Variants in ERI3 observed in about 807,000 individuals in gnomAD.
The protein encoded by ERI3 is ERI1 exoribonuclease family member 3, also known as ERI1 exoribonuclease 3.
In ERI3, 18 loss-of-function variants were observed where a neutral mutation model predicts 44.4. That is an observed-to-expected ratio of 0.41 (90% CI 0.28 to 0.60). ERI3 has a LOEUF of 0.60. ERI3 is among the 20% of genes least tolerant of loss of function. The pLI is 0.36. For synonymous variants in ERI3, 183 were observed against 164.8 expected, an observed-to-expected ratio of 1.11 and a Z score of -0.84; for missense variants, 294 against 435.5, an observed-to-expected ratio of 0.68 and a Z score of 2.89.
chr1:44,269,291 G>C (rs1044139182), intron 7 of ERI3, among the ~76,000 whole-genome samples: 13 of 152,098 alleles, frequency 8.5e-5, no homozygotes, highest in Admixed American at 3.9e-4. Context: ...ACTCAGAAAG[G>C]GCAAGTAACC....
At chr1:44,277,112 GAAAA>G (rs1314202816) in intron 7 of ERI3, among the ~76,000 whole-genome samples, 1 of 152,182 alleles carries the variant, frequency 6.6e-6, no homozygotes, top group Non-Finnish European at 1.5e-5. Flanking sequence ...GTTTCACACA[GAAAA>G]ATAAAAGCCA....
At chr1:44,321,262 G>C (rs558007560) in intron 3 of ERI3, among the ~76,000 whole-genome samples, 1 of 152,250 alleles carries the variant, frequency 6.6e-6, no homozygotes, top group Admixed American at 6.5e-5. Context: ...CAAAGATTGT[G>C]GTTGCCTTGT....
intron 7 of ERI3, among the ~76,000 whole-genome samples, chr1:44,261,087 A>G (rs1034861731): frequency 3.9e-5 from 6 of 152,046 alleles, no homozygotes; most frequent in African/African-American, 1.4e-4. Flanking sequence ...CTAGGTCCCC[A>G]CTCCCTCTGC....
chr1:44,264,271 G>C (rs1456976726), intron 7 of ERI3, among the ~76,000 whole-genome samples: 1 of 152,180 alleles, frequency 6.6e-6, no homozygotes, highest in African/African-American at 2.4e-5. Flanking sequence ...CAATAGTCCA[G>C]GTTACTGACA....
chr1:44,330,781 C>T (rs1646411835), intron 3 of ERI3, among the ~76,000 whole-genome samples: 1 of 152,054 alleles, frequency 6.6e-6, no homozygotes, highest in East Asian at 1.9e-4. Context: ...ATCGTGAACA[C>T]CCAGGATAAG....
At chr1:44,297,785 G>T (rs1356784745) in intron 6 of ERI3, among the ~76,000 whole-genome samples, 1 of 152,202 alleles carries the variant, frequency 6.6e-6, no homozygotes, top group Non-Finnish European at 1.5e-5. Context: ...CAAAACAGAG[G>T]TCACTCACCT....
chr1:44,295,328 C>T (rs1473643245), intron 6 of ERI3, among the ~76,000 whole-genome samples: 1 of 152,228 alleles, frequency 6.6e-6, no homozygotes, highest in East Asian at 1.9e-4. Context: ...CATCTCTCTA[C>T]AGTGCTCCTC....
At chr1:44,282,713 C>T (rs1478264827) in intron 7 of ERI3, among the ~76,000 whole-genome samples, 1 of 152,162 alleles carries the variant, frequency 6.6e-6, no homozygotes, top group African/African-American at 2.4e-5. Flanking sequence ...TACAAAGTGG[C>T]TGGAGTGCAG....
rs771554922 is a variant in ERI3, at chr1:44,355,052, C to A, written c.-26G>T. 1.5e-6 allele frequency: 2 copies of A among 1,360,174 alleles called. No individual in the cohort carries two copies. Among genetic ancestry groups the A allele is most frequent in the Admixed American group, 3.4e-5 (1 of 29,080 alleles). The allele number at this position is 1,360,174 out of a possible 1,614,324, so 84.3% of individuals were successfully genotyped here. ...GGCAACGCCCCCTCCTCGGGGCCAG[C>A]GCGGCAGGCTCCCTCCAGGTGCAGG... On this transcript the variant is annotated 5_prime_UTR_variant, in exon 1 of 9. Coordinates refer to ENST00000372257, the MANE Select transcript of ERI3 (RefSeq NM_024066.3).
In ERI3 at chr1:44,241,874, C is replaced by G. The variant is rs1484756798; in HGVS notation, c.931+6065G>C. The stretch of plus-strand genomic sequence containing the variant: ...TACAGGAGAACCTTCTTCCATCCAT[C>G]TGTCCATCAACTCACCCACCCATCT... On this transcript the variant is annotated intron_variant, in intron 8 of 8. Transcript: ENST00000372257. The surrounding 1 kb of genome is among the most constrained non-coding windows in gnomAD (Gnocchi z 5.6). The G allele has an allele frequency of 2.5e-6, 2 of 799,438 alleles. No homozygotes were observed. The highest frequency in any genetic ancestry group is 3.0e-6 in the Non-Finnish European group (2 of 660,150). The allele number at this position is 799,438 out of a possible 1,614,324, so 49.5% of individuals were successfully genotyped here.
intron 6 of ERI3, among the ~76,000 whole-genome samples, chr1:44,305,302 C>T (rs1161306210): frequency 2.6e-5 from 4 of 152,200 alleles, no homozygotes; most frequent in African/African-American, 9.6e-5. Flanking sequence ...TCTACACCAG[C>T]GCTAACCCCA....
rs950311877 is a variant in ERI3, at chr1:44,283,508, G to A, written c.831+1327C>T. ...GGGAATATGTCTGATGAAGATGACT[G>A]AGGGACATTTCAGACAGAAGGCAAG... On this transcript the variant is annotated intron_variant, in intron 7 of 8. Transcript: ENST00000372257. Among the ~76,000 whole-genome samples, 14 of 152,334 alleles carry A rather than the reference G, an allele frequency of 9.2e-5. 1 individual carries two copies. In the South Asian group the frequency reaches 1.7e-3, roughly 18 times the overall value.
At chr1:44,297,202 A>G (rs763601469) in intron 6 of ERI3, among the ~76,000 whole-genome samples, 1 of 151,980 alleles carries the variant, frequency 6.6e-6, no homozygotes, top group Non-Finnish European at 1.5e-5. Context: ...CAGAACTATC[A>G]AGTCTGAGTT....
intron 7 of ERI3, among the ~76,000 whole-genome samples, chr1:44,276,556 G>C (rs751098603): frequency 6.6e-6 from 1 of 151,986 alleles, no homozygotes; most frequent in Non-Finnish European, 1.5e-5. Flanking sequence ...CCATACCTTG[G>C]AATCTGCCAA....
In ERI3 at chr1:44,352,896, A is replaced by C; in HGVS notation, c.165T>G (p.Pro55=). 5 of 1,614,190 alleles carry C rather than the reference A, an allele frequency of 3.1e-6. No individual in the cohort carries two copies. Among genetic ancestry groups the C allele is most frequent in the Non-Finnish European group, 4.2e-6 (5 of 1,180,038 alleles). Residue 55 remains proline, a synonymous_variant, in exon 2 of 9, where the codon CCT becomes CCG. Transcript: ENST00000372257. The part of the protein sequence containing the change: ...GHWGFPALTE[P]SASPAAGLGI... ...CAAGACCGGCAGCTGGGGATGCTGAAGGTTCTGTGAGAGCTGGAAAGCCCC... is the reference window on the plus strand; with the variant it reads ...CAAGACCGGCAGCTGGGGATGCTGACGGTTCTGTGAGAGCTGGAAAGCCCC...
At chr1:44,250,001 A>G (rs1348535617) in intron 7 of ERI3, among the ~76,000 whole-genome samples, 1 of 152,212 alleles carries the variant, frequency 6.6e-6, no homozygotes, top group African/African-American at 2.4e-5. Context: ...GGGAAAAAAG[A>G]AGGATAATGT....
At chr1:44,314,204 ACCAAATAC>A (rs1348188537) in intron 4 of ERI3, among the ~76,000 whole-genome samples, 1 of 152,028 alleles carries the variant, frequency 6.6e-6, no homozygotes, top group African/African-American at 2.4e-5. Context: ...CTTAATGAAT[ACCAAATAC>A]CCAACTCACA....
chr1:44,341,132 C>T (rs1440475668), intron 2 of ERI3, among the ~76,000 whole-genome samples: 4 of 152,212 alleles, frequency 2.6e-5, no homozygotes, highest in Non-Finnish European at 5.9e-5. Context: ...CTACCAAATA[C>T]TATAAGCAAT....
In ERI3 at chr1:44,284,825, G is replaced by C; in HGVS notation, c.831+10C>G. On this transcript the variant is annotated intron_variant, in intron 7 of 8. Coordinates refer to ENST00000372257, the MANE Select transcript of ERI3 (RefSeq NM_024066.3). ...AGGGGAAGCACCCAGTTGGGGCTCA[G>C]ACACAGTACCTTTTTCAGATTAATC... is the stretch of plus-strand genomic sequence containing the variant. 5 of 1,613,336 alleles carry C rather than the reference G, an allele frequency of 3.1e-6. No homozygotes were observed. The highest frequency in any genetic ancestry group is 4.2e-6 in the Non-Finnish European group (5 of 1,179,304).
Sources: allele counts gnomAD v4.1 joint callset (sites outside exome capture counted in the v4.1 genomes callset), GRCh38; gene constraint gnomAD v4.1.1; non-coding constraint Gnocchi (gnomAD v3.1); transcripts MANE v1.5; gene names NCBI Gene and HGNC (gene_info 2026-07-23, HGNC 2026-07-21).